SLC15A5: variants seen among roughly 807,000 people sequenced by gnomAD.
SLC15A5 encodes the protein Peptide/histidine transporter ENSP00000340402.
Under a neutral mutation model 56.1 loss-of-function variants are expected in SLC15A5, and 58 were observed. The observed-to-expected ratio is 1.03, with a 90% confidence interval of 0.84 to 1.29. The LOEUF (loss-of-function observed/expected upper bound fraction) is 1.29. SLC15A5 is among the 50% of genes most tolerant of loss of function. SLC15A5 has a pLI of 0.00. For missense variants in SLC15A5, 681 were observed against 672.1 expected, an observed-to-expected ratio of 1.01 and a Z score of -0.15; for synonymous variants, 264 against 250.5, an observed-to-expected ratio of 1.05 and a Z score of -0.51.
chr12:16,232,959 A>G, intron 5 of SLC15A5, among the ~76,000 whole-genome samples: 1 of 143,018 alleles, frequency 7.0e-6, no homozygotes. Context: ...GAAAGAAAGA[A>G]GGAAAGAAAG....
At chr12:16,239,604 G>T (rs1864390914) in intron 5 of SLC15A5, 77 bp downstream of exon 5, 2 of 1,373,406 alleles carry the variant, frequency 1.5e-6, no homozygotes, top group Admixed American at 2.2e-5. Context: ...GGAGCATATA[G>T]CTAGTTCGGA....
intron 7 of SLC15A5, among the ~76,000 whole-genome samples, chr12:16,195,039 C>T (rs1238005027): frequency 6.6e-6 from 1 of 151,922 alleles, no homozygotes; most frequent in Non-Finnish European, 1.5e-5. Context: ...TTCTTTTCAC[C>T]TAATAAGTAA....
chr12:16,248,650 C>A (rs1225298412), intron 3 of SLC15A5, among the ~76,000 whole-genome samples: 1 of 152,092 alleles, frequency 6.6e-6, no homozygotes, highest in Non-Finnish European at 1.5e-5. Context: ...CTGTTGAAAA[C>A]ATTTACATCT....
chr12:16,264,151 A>T (rs1047551284), intron 2 of SLC15A5, among the ~76,000 whole-genome samples: 2 of 152,204 alleles, frequency 1.3e-5, no homozygotes, highest in Admixed American at 1.3e-4. Context: ...GGCAGCTGGG[A>T]GGGAAGCAGT....
chr12:16,206,666 G>T (rs1325981467), intron 7 of SLC15A5, among the ~76,000 whole-genome samples: 3 of 152,304 alleles, frequency 2.0e-5, no homozygotes, highest in Admixed American at 2.0e-4. Context: ...TGGATGAGCT[G>T]AGATTGGGCC....
intron 4 of SLC15A5, among the ~76,000 whole-genome samples, chr12:16,242,169 A>G (rs945615060): frequency 6.6e-6 from 1 of 152,194 alleles, no homozygotes; most frequent in Non-Finnish European, 1.5e-5. Context: ...TATGTATGAA[A>G]TTCTATGATG....
At chr12:16,206,766 A>G (rs756052338) in intron 7 of SLC15A5, among the ~76,000 whole-genome samples, 3 of 152,194 alleles carry the variant, frequency 2.0e-5, no homozygotes, top group Non-Finnish European at 1.5e-5. Context: ...GGAACTGTGG[A>G]TAAAAATGAA....
At chr12:16,229,645 CAT>C (rs1264878130) in intron 5 of SLC15A5, among the ~76,000 whole-genome samples, 19 of 119,474 alleles carry the variant, frequency 1.6e-4, no homozygotes, top group African/African-American at 5.0e-4. Flanking sequence ...AACACACACA[CAT>C]ACACACACAC....
Position 16,243,947 on chromosome 12 carries a change from T to C in SLC15A5, c.975+633A>G, listed in dbSNP as rs549643136. 1.2e-4 allele frequency among the ~76,000 whole-genome samples: 19 copies of C among 152,352 alleles called. No individual in the cohort carries two copies. Among genetic ancestry groups the C allele is most frequent in the Non-Finnish European group, 1.9e-4 (13 of 68,036 alleles). ...AGTCCCAGATTTGTTCAAATACTTTTGTAATCATTTATTTTTCTCAGTAAA... is the reference window on the plus strand; with the variant it reads ...AGTCCCAGATTTGTTCAAATACTTTCGTAATCATTTATTTTTCTCAGTAAA... On this transcript the variant is annotated intron_variant, in intron 4 of 8. Coordinates refer to ENST00000344941, the MANE Select transcript of SLC15A5 (RefSeq NM_001170798.1). This position sits in a 1 kb window ranked among gnomAD's most constrained non-coding sequence, Gnocchi z 4.4.
intron 7 of SLC15A5, among the ~76,000 whole-genome samples, chr12:16,201,700 G>A (rs1048498887): frequency 2.0e-5 from 3 of 152,096 alleles, no homozygotes; most frequent in Non-Finnish European, 4.4e-5. Flanking sequence ...TTTGAAGAAG[G>A]TGCCTTGCTT....
intron 1 of SLC15A5, among the ~76,000 whole-genome samples, chr12:16,275,183 T>G (rs1461356663): frequency 6.6e-6 from 1 of 152,058 alleles, no homozygotes; most frequent in African/African-American, 2.4e-5. Context: ...ACAAACACTA[T>G]TTGGTTCTTG....
intron 7 of SLC15A5, among the ~76,000 whole-genome samples, chr12:16,207,639 G>A (rs914301117): frequency 1.3e-5 from 2 of 151,698 alleles, no homozygotes; most frequent in Non-Finnish European, 2.9e-5. Flanking sequence ...CACCACCAGC[G>A]ATATTTTTTT....
chr12:16,224,639 C>T (rs1864221789), intron 5 of SLC15A5, 37 bp from the exon 6 acceptor site: 14 of 1,502,314 alleles, frequency 9.3e-6, no homozygotes, highest in South Asian at 5.1e-5. Context: ...AAAAGTTAAA[C>T]GAAGAGCTAG....
At chr12:16,262,776 A>C (rs2136813628) in intron 2 of SLC15A5, among the ~76,000 whole-genome samples, 1 of 152,256 alleles carries the variant, frequency 6.6e-6, no homozygotes, top group African/African-American at 2.4e-5. Context: ...TGCTCTCGTG[A>C]TAGCGAATGG....
intron 5 of SLC15A5, among the ~76,000 whole-genome samples, chr12:16,227,500 G>A (rs79320629): frequency 0.031 from 4,707 of 152,256 alleles, 218 homozygotes; most frequent in African/African-American, 0.1. Context: ...AGTTGGAGAG[G>A]TGAGAGACAT....
chr12:16,246,128 T>C (rs1864458725), intron 3 of SLC15A5, among the ~76,000 whole-genome samples: 1 of 152,074 alleles, frequency 6.6e-6, no homozygotes. Context: ...TTGTGAAGTG[T>C]GTTTAGGTCA....
chr12:16,227,867 A>G (rs1425418919), intron 5 of SLC15A5, among the ~76,000 whole-genome samples: 1 of 152,202 alleles, frequency 6.6e-6, no homozygotes, highest in Non-Finnish European at 1.5e-5. Context: ...GATAGAAGTG[A>G]TAAAAATAAT....
At chr12:16,254,353 G>A (rs1350206595) in intron 3 of SLC15A5, among the ~76,000 whole-genome samples, 1 of 152,056 alleles carries the variant, frequency 6.6e-6, no homozygotes, top group Non-Finnish European at 1.5e-5. Context: ...AGTGTTTAGT[G>A]GGTATACAGC....
rs1013442014 is a variant in SLC15A5, at chr12:16,189,662, A to C, written c.*6T>G. ...TCTCATAAGACAGGTAGACTCAAAC[A>C]CAGTTTCATAGGGCTGTCTCCCAAA... is the stretch of plus-strand genomic sequence containing the variant. On this transcript the variant is annotated 3_prime_UTR_variant, in exon 9 of 9. Coordinates refer to ENST00000344941, the MANE Select transcript of SLC15A5 (RefSeq NM_001170798.1). 1.3e-6 allele frequency: 2 copies of C among 1,486,052 alleles called. No individual in the cohort carries two copies. Among genetic ancestry groups the C allele is most frequent in the Admixed American group, 4.8e-5 (2 of 42,098 alleles). 92.1% of individuals were successfully genotyped at this position (1,486,052 alleles called of 1,614,324 possible).
Sources: allele counts gnomAD v4.1 joint callset (sites outside exome capture counted in the v4.1 genomes callset), GRCh38; gene constraint gnomAD v4.1.1; non-coding constraint Gnocchi (gnomAD v3.1); transcripts MANE v1.5; gene names NCBI Gene and HGNC (gene_info 2026-07-23, HGNC 2026-07-21).